The following ADAMTSL1 variants were observed in gnomAD, a reference collection of about 807,000 sequenced individuals.
ADAMTSL1 encodes the protein ADAMTS like 1, also known as ADAMTS-like protein 1.
In ADAMTSL1, 126 loss-of-function variants were observed where a neutral mutation model predicts 201.8. That is an observed-to-expected ratio of 0.62 (90% CI 0.54 to 0.72). The LOEUF (loss-of-function observed/expected upper bound fraction) is 0.72. Ranked by LOEUF, ADAMTSL1 falls within the 30% of genes least tolerant of loss-of-function variation. ADAMTSL1 has a pLI of 0.00. For synonymous variants in ADAMTSL1, 1,121 were observed against 903.4 expected, an observed-to-expected ratio of 1.24 and a Z score of -4.32; for missense variants, 2,679 against 2,277.8, an observed-to-expected ratio of 1.18 and a Z score of -3.59.
chr9:18,021,425 G>C (rs1457340811), intron 1 of ADAMTSL1, among the ~76,000 whole-genome samples: 1 of 152,030 alleles, frequency 6.6e-6, no homozygotes, highest in African/African-American at 2.4e-5. Context: ...GTAATTTGGG[G>C]CTGTCTGGAG....
chr9:18,771,737 T>C (rs1820703988), intron 17 of ADAMTSL1, among the ~76,000 whole-genome samples: 1 of 117,390 alleles, frequency 8.5e-6, no homozygotes, highest in African/African-American at 3.3e-5. Flanking sequence ...TTTTTTTGGA[T>C]AGTATACAAC....
chr9:18,750,567 G>A (rs1353411360), intron 15 of ADAMTSL1, among the ~76,000 whole-genome samples: 1 of 152,178 alleles, frequency 6.6e-6, no homozygotes, highest in Non-Finnish European at 1.5e-5. Flanking sequence ...TATGAACAGT[G>A]CTGCCATGGA....
chr9:18,442,711 T>C (rs184113152), intron 2 of ADAMTSL1, among the ~76,000 whole-genome samples: 1 of 152,318 alleles, frequency 6.6e-6, no homozygotes, highest in Non-Finnish European at 1.5e-5. Context: ...GAGAAGAACC[T>C]TACAGATTTT....
chr9:18,368,134 C>T (rs1384184593), intron 2 of ADAMTSL1, among the ~76,000 whole-genome samples: 1 of 151,724 alleles, frequency 6.6e-6, no homozygotes, highest in Admixed American at 6.6e-5. Flanking sequence ...CCAGGATGGT[C>T]TCCATCTCCT....
At chr9:18,489,423 T>C (rs138789751) in intron 1 of ADAMTSL1, among the ~76,000 whole-genome samples, 61 of 152,290 alleles carry the variant, frequency 4.0e-4, no homozygotes, top group Non-Finnish European at 7.2e-4. Flanking sequence ...TCCGATCCTG[T>C]TACATAGCAT....
chr9:18,329,142 C>T lies in ADAMTSL1; in HGVS notation c.207+165161C>T, dbSNP rs138551081. 6.4e-4 allele frequency among the ~76,000 whole-genome samples: 97 copies of T among 152,144 alleles called. No individual in the cohort carries two copies. In the East Asian group the frequency reaches 0.012, roughly 18 times the overall value. On this transcript the variant is annotated intron_variant, in intron 2 of 29. Transcript: ENST00000680146. ...GGGATTAGTGCCCTTATAAAAGAGA[C>T]CACAGAGAGCTCCTTTGCCCCTTCT... is the stretch of plus-strand genomic sequence containing the variant.
intron 2 of ADAMTSL1, among the ~76,000 whole-genome samples, chr9:18,408,945 C>T (rs1037462948): frequency 6.6e-6 from 1 of 152,082 alleles, no homozygotes; most frequent in African/African-American, 2.4e-5. Context: ...AGAGATCAAA[C>T]AATTTTCATA....
rs1202337655 is a variant in ADAMTSL1, at chr9:17,925,323, A to C, written c.87+18401A>C. Among the ~76,000 whole-genome samples, 4 of 121,908 alleles carry C rather than the reference A, an allele frequency of 3.3e-5. 2 individuals are homozygous for C. Among genetic ancestry groups the C allele is most frequent in the African/African-American group, 5.6e-5 (2 of 35,796 alleles). The allele number at this position is 121,908 out of a possible 152,430, so 80.0% of individuals were successfully genotyped here. A position where few individuals can be genotyped will look rare whatever the true frequency, so the allele number is the denominator to read the frequency against. ...GATTCCTCAGGGATCTAGAACTAGA[A>C]ATACCATTTGACCCAGCCATCCCAT... On this transcript the variant is annotated intron_variant, in intron 1 of 29. Coordinates refer to the ADAMTSL1 transcript ENST00000680146.
chr9:18,786,816 T>A (rs12379408), intron 19 of ADAMTSL1, among the ~76,000 whole-genome samples: 23,552 of 152,166 alleles, frequency 0.15, 2,448 homozygotes, highest in East Asian at 0.31. Context: ...TTCTTTGCTA[T>A]CATCTCTGAG....
chr9:18,598,624 ATC>A (rs947879302), intron 4 of ADAMTSL1, among the ~76,000 whole-genome samples: 5 of 152,064 alleles, frequency 3.3e-5, no homozygotes, highest in African/African-American at 9.7e-5. Context: ...TAAAAAAAAA[ATC>A]AAGTGGGAAA....
chr9:18,588,898 T>TATATATATATATATATATATATATATAC (rs1554710738), intron 4 of ADAMTSL1, among the ~76,000 whole-genome samples: 3 of 136,268 alleles, frequency 2.2e-5, no homozygotes, highest in African/African-American at 5.3e-5. Context: ...TATATATATA[T>TATATATATATATATATATATATATATAC]ATATACATAT....
chr9:18,736,015 AAC>A (rs1055334938), intron 15 of ADAMTSL1, among the ~76,000 whole-genome samples: 4 of 152,158 alleles, frequency 2.6e-5, no homozygotes, highest in African/African-American at 9.7e-5. Flanking sequence ...GAATGTGATG[AAC>A]AGAGTTTGCA....
chr9:18,628,744 T>C (rs1587740306), intron 5 of ADAMTSL1, among the ~76,000 whole-genome samples: 1 of 152,350 alleles, frequency 6.6e-6, no homozygotes, highest in African/African-American at 2.4e-5. Flanking sequence ...ACTTAGGTCT[T>C]ATTTTATCTC....
At chr9:18,360,927 G>A (rs534117836) in intron 2 of ADAMTSL1, among the ~76,000 whole-genome samples, 3 of 152,026 alleles carry the variant, frequency 2.0e-5, no homozygotes, top group Admixed American at 6.5e-5. Context: ...TTTCCCTGCC[G>A]CCAAATAAAT....
intron 2 of ADAMTSL1, among the ~76,000 whole-genome samples, chr9:18,205,126 A>T (rs1829598697): frequency 6.6e-6 from 1 of 152,116 alleles, no homozygotes; most frequent in African/African-American, 2.4e-5. Flanking sequence ...GCAGAAACCA[A>T]GCTCAACCTA....
intron 1 of ADAMTSL1, among the ~76,000 whole-genome samples, chr9:18,140,329 G>T (rs1187367388): frequency 6.6e-6 from 1 of 152,130 alleles, no homozygotes; most frequent in East Asian, 1.9e-4. Flanking sequence ...GACTCAGCAT[G>T]TAGTCATACT....
intron 2 of ADAMTSL1, among the ~76,000 whole-genome samples, chr9:18,230,514 GA>G (rs1178365588): frequency 1.3e-5 from 2 of 152,092 alleles, no homozygotes; most frequent in African/African-American, 4.8e-5. Flanking sequence ...AGGGGAAAAT[GA>G]AGACAAATGA....
chr9:18,688,118 G>GTATATATATA (rs71333061), intron 13 of ADAMTSL1, among the ~76,000 whole-genome samples: 44 of 142,718 alleles, frequency 3.1e-4, no homozygotes, highest in Non-Finnish European at 4.4e-4. Flanking sequence ...ATGTATGTAT[G>GTATATATATA]TATATATATA....
At chr9:18,899,328 C>A (rs1188227867) in intron 26 of ADAMTSL1, among the ~76,000 whole-genome samples, 2 of 152,172 alleles carry the variant, frequency 1.3e-5, no homozygotes. Context: ...ACATTTCATG[C>A]TCATTGATAG....
Sources: gnomAD v4.1 joint callset for allele counts (sites outside exome capture counted in the v4.1 genomes callset) on GRCh38, gnomAD v4.1.1 for gene constraint, MANE v1.5 for transcripts, NCBI Gene and HGNC (gene_info 2026-07-23, HGNC 2026-07-21) for gene names.